The following AUTS2 variants were observed in gnomAD, a reference collection of about 807,000 sequenced individuals.
The protein encoded by AUTS2 is autism susceptibility gene 2 protein.
Under a neutral mutation model 112.4 loss-of-function variants are expected in AUTS2, and 17 were observed. That is an observed-to-expected ratio of 0.15 (90% CI 0.10 to 0.23). The LOEUF (loss-of-function observed/expected upper bound fraction) is 0.23. AUTS2 is among the 10% of genes least tolerant of loss of function. AUTS2 has a pLI of 1.00. For synonymous variants in AUTS2, 751 were observed against 702.7 expected (o/e 1.07, Z -1.09); for missense variants, 1,510 against 1,701.6 (o/e 0.89, Z 1.98).
At chr7:69,907,566 G>A (rs7777243) in intron 2 of AUTS2, among the ~76,000 whole-genome samples, 12,557 of 152,130 alleles carry the variant, frequency 0.083, 668 homozygotes, top group African/African-American at 0.14. Context: ...TATGCAATTT[G>A]TTATTATATT....
At chr7:69,662,840 A>G (rs1795867604) in intron 1 of AUTS2, among the ~76,000 whole-genome samples, 1 of 152,192 alleles carries the variant, frequency 6.6e-6, no homozygotes, top group African/African-American at 2.4e-5. Flanking sequence ...ACATTTTATG[A>G]TTTTAGTTAT....
At chr7:70,577,317 A>G (rs1274288275) in intron 5 of AUTS2, among the ~76,000 whole-genome samples, 1 of 152,214 alleles carries the variant, frequency 6.6e-6, no homozygotes, top group East Asian at 1.9e-4. Context: ...TAAGTGGTTA[A>G]GTGATGGGCA....
intron 6 of AUTS2, among the ~76,000 whole-genome samples, chr7:70,737,606 G>A (rs1460160319): frequency 1.3e-5 from 2 of 152,160 alleles, no homozygotes; most frequent in Non-Finnish European, 2.9e-5. Flanking sequence ...AAATGTGTTG[G>A]TTTCCCCTTT....
chr7:70,382,994 T>C (rs1233946728), intron 4 of AUTS2, among the ~76,000 whole-genome samples: 1 of 152,244 alleles, frequency 6.6e-6, no homozygotes, highest in Non-Finnish European at 1.5e-5. Context: ...TTATGAAGTC[T>C]ATATATTTTT....
intron 7 of AUTS2, among the ~76,000 whole-genome samples, chr7:70,763,939 T>C (rs1313794066): frequency 6.6e-6 from 1 of 152,184 alleles, no homozygotes; most frequent in Non-Finnish European, 1.5e-5. Flanking sequence ...CTCCTCTGTC[T>C]TGTTTTTGCC....
chr7:69,775,079 G>T (rs964746046), intron 1 of AUTS2, among the ~76,000 whole-genome samples: 3 of 152,056 alleles, frequency 2.0e-5, no homozygotes, highest in African/African-American at 7.2e-5. Context: ...TTTTTATTGG[G>T]TAGTGTTGTG....
At chr7:70,278,942 GAAGATTCTT>G (rs1295451017) in intron 4 of AUTS2, among the ~76,000 whole-genome samples, 2 of 152,184 alleles carry the variant, frequency 1.3e-5, no homozygotes, top group African/African-American at 2.4e-5. Context: ...TCTTTGGAAG[GAAGATTCTT>G]AAGTGCTTTG....
rs139764444 is a variant in AUTS2, at chr7:69,826,293, A to G, written c.310-72993A>G. On this transcript the variant is annotated intron_variant, in intron 1 of 18. Transcript: ENST00000342771. ...ACGGCTGTGGACTGGCAAAGTAACTAATTATTGTCTCCAGTTTATGGATAA... is the reference window on the plus strand; with the variant it reads ...ACGGCTGTGGACTGGCAAAGTAACTGATTATTGTCTCCAGTTTATGGATAA... Among the ~76,000 whole-genome samples the G allele has an allele frequency of 2.9e-3, 445 of 152,338 alleles. 4 individuals carry two copies. The highest frequency in any genetic ancestry group is 0.01 in the African/African-American group (430 of 41,586).
intron 1 of AUTS2, among the ~76,000 whole-genome samples, chr7:69,804,106 C>T (rs1471321669): frequency 2.6e-5 from 4 of 152,088 alleles, no homozygotes; most frequent in Non-Finnish European, 5.9e-5. Flanking sequence ...CCTTTATTTC[C>T]CTAAGAAAAT....
At chr7:70,337,405 T>C (rs1423249238) in intron 4 of AUTS2, among the ~76,000 whole-genome samples, 1 of 152,234 alleles carries the variant, frequency 6.6e-6, no homozygotes, top group Non-Finnish European at 1.5e-5. Context: ...TAATAGGCTA[T>C]TGACTTAAAT....
intron 14 of AUTS2, chr7:70,781,353 A>G (rs1791056174): frequency 3.3e-6 from 1 of 300,226 alleles, no homozygotes; most frequent in African/African-American, 2.5e-5. Context: ...AGAGTGAGGG[A>G]GACTCCGTCA....
chr7:70,093,905 C>A (rs1804051161), intron 2 of AUTS2, among the ~76,000 whole-genome samples: 1 of 152,226 alleles, frequency 6.6e-6, no homozygotes, highest in Non-Finnish European at 1.5e-5. Context: ...TTGAACCCTT[C>A]ACAGCTATGT....
intron 1 of AUTS2, among the ~76,000 whole-genome samples, chr7:69,884,285 A>C (rs574138519): frequency 6.6e-6 from 1 of 152,364 alleles, no homozygotes; most frequent in East Asian, 1.9e-4. Context: ...GGACATTTGC[A>C]GAAAGCATTC....
intron 4 of AUTS2, among the ~76,000 whole-genome samples, chr7:70,353,495 A>G (rs1009594483): frequency 1.3e-4 from 20 of 152,130 alleles, no homozygotes; most frequent in African/African-American, 4.8e-4. Flanking sequence ...TGGCTGACCC[A>G]GGGAACCTCC....
In AUTS2 at chr7:69,760,160, T is replaced by C. The variant is rs76087990; in HGVS notation, c.310-139126T>C. ...CACTAACACCAGAACTTACTGAGTT[T>C]AATTGGAGATAATTAAAAAAAAAAA... On this transcript the variant is annotated intron_variant, in intron 1 of 18. Transcript: ENST00000342771. 2.9e-3 allele frequency among the ~76,000 whole-genome samples: 436 copies of C among 150,268 alleles called. 5 individuals are homozygous for C. Among genetic ancestry groups the C allele is most frequent in the African/African-American group, 0.01 (422 of 41,070 alleles).
intron 5 of AUTS2, among the ~76,000 whole-genome samples, chr7:70,466,376 A>G (rs1196827619): frequency 2.6e-5 from 4 of 152,336 alleles, no homozygotes; most frequent in South Asian, 2.1e-4. Context: ...AGTATCTTCT[A>G]TGTGAAAAGC....
chr7:70,252,569 T>C (rs971015040), intron 4 of AUTS2, among the ~76,000 whole-genome samples: 11 of 152,200 alleles, frequency 7.2e-5, no homozygotes, highest in Non-Finnish European at 1.0e-4. Context: ...ACTCTGCTAA[T>C]CGCTTTTTTT....
intron 6 of AUTS2, among the ~76,000 whole-genome samples, chr7:70,715,385 G>T (rs769681508): frequency 4.9e-4 from 74 of 152,164 alleles, no homozygotes; most frequent in Non-Finnish European, 9.7e-4. Context: ...ACTTAAGTGT[G>T]TGTGAATTTA....
At position 69,599,701 on chromosome 7, in the gene AUTS2, G is replaced by T; in HGVS notation, c.48G>T (p.Ser16=). 1 of 1,324,250 alleles carries T rather than the reference G, an allele frequency of 7.6e-7. No homozygotes were observed. Among genetic ancestry groups the T allele is most frequent in the Non-Finnish European group, 9.6e-7 (1 of 1,041,558 alleles). The allele number at this position is 1,324,250 out of a possible 1,614,324, so 82.0% of individuals were successfully genotyped here. Residue 16 remains serine (S), a synonymous_variant, in exon 1 of 19, where the codon TCG becomes TCT. Transcript: ENST00000342771. This position sits in a 1 kb window ranked among gnomAD's most constrained non-coding sequence, Gnocchi z 7.0. The part of the protein sequence containing the change: ...RGHGLRKKRR[S]RSQRDRERRS... ...ATGGACTCCGCAAAAAGCGGCGGTCGCGGTCGCAGCGAGACCGGGAGAGGC... is the reference window on the plus strand; with the variant it reads ...ATGGACTCCGCAAAAAGCGGCGGTCTCGGTCGCAGCGAGACCGGGAGAGGC...
Sources: gnomAD v4.1 joint callset for allele counts (sites outside exome capture counted in the v4.1 genomes callset) on GRCh38, gnomAD v4.1.1 for gene constraint, Gnocchi (gnomAD v3.1) non-coding constraint, MANE v1.5 for transcripts, NCBI Gene and HGNC (gene_info 2026-07-23, HGNC 2026-07-21) for gene names.